Variants in DOCK9 observed in about 807,000 individuals in gnomAD.
DOCK9 encodes dedicator of cytokinesis 9.
DOCK9 carries 89 observed loss-of-function variants against 263.3 expected under a neutral mutation model. The ratio of observed to expected loss-of-function variants is 0.34; its 90% CI spans 0.28 to 0.40. DOCK9 has a LOEUF of 0.40. DOCK9 is among the 10% of genes least tolerant of loss of function. The pLI is 1.00. For synonymous variants in DOCK9, 976 were observed against 973.1 expected (o/e 1.00, Z -0.06); for missense variants, 2,140 against 2,603.4 (o/e 0.82, Z 3.87).
rs745682215 is a variant in DOCK9, at chr13:98,855,931, T to C, written c.3798A>G (p.Glu1266=). 2.5e-6 allele frequency: 4 copies of C among 1,614,034 alleles called. No homozygotes were observed. The Admixed American group carries it at 6.7e-5, about 27-fold the overall frequency. ...ISTDSGNSLP[E]RNSEKSNSLD... is the part of the protein sequence containing the mutation. ...GGGAATTGCTCTTCTCACTATTCCTTTCTGGAAGGCTGTTACCCGAATCTG... is the reference window on the plus strand; with the variant it reads ...GGGAATTGCTCTTCTCACTATTCCTCTCTGGAAGGCTGTTACCCGAATCTG... Residue 1266 remains glutamate (E), a synonymous_variant, in exon 34 of 53, where the codon GAA becomes GAG. Coordinates refer to ENST00000682017, the MANE Select transcript of DOCK9 (RefSeq NM_001366683.2).
intron 2 of DOCK9, among the ~76,000 whole-genome samples, chr13:98,933,921 A>G (rs1220956785): frequency 6.6e-6 from 1 of 151,350 alleles, no homozygotes; most frequent in East Asian, 1.9e-4. Flanking sequence ...TGTTTGAAAC[A>G]GTATCTCACT....
chr13:98,938,647 A>T (rs1221693253), intron 2 of DOCK9, among the ~76,000 whole-genome samples: 1 of 152,256 alleles, frequency 6.6e-6, no homozygotes, highest in African/African-American at 2.4e-5. Flanking sequence ...TTAAATAAAT[A>T]TAAGAGTGAG....
intron 1 of DOCK9, among the ~76,000 whole-genome samples, chr13:99,037,175 A>C (rs1887977163): frequency 6.6e-6 from 1 of 152,214 alleles, no homozygotes; most frequent in African/African-American, 2.4e-5. Flanking sequence ...AAAAGAGAAA[A>C]AAATTATTCA....
At chr13:98,927,899 G>A (rs1351361885) in intron 3 of DOCK9, among the ~76,000 whole-genome samples, 1 of 151,864 alleles carries the variant, frequency 6.6e-6, no homozygotes, top group South Asian at 2.1e-4. Flanking sequence ...GATTACAGGC[G>A]TGAGCCACTG....
At chr13:98,832,098 G>A (rs1463996596) in intron 39 of DOCK9, 1 of 254,846 alleles carries the variant, frequency 3.9e-6, no homozygotes, top group Non-Finnish European at 7.5e-6. Context: ...TGATACAGAG[G>A]TGCCATTTGT....
chr13:98,810,108 T>A, intron 46 of DOCK9, 61 bp downstream of exon 46: 2 of 1,606,538 alleles, frequency 1.2e-6, no homozygotes, highest in South Asian at 1.1e-5. Flanking sequence ...TATGCAGGTC[T>A]GGGTATATGT....
chr13:98,995,443 G>A (rs1880778172), intron 1 of DOCK9, among the ~76,000 whole-genome samples: 3 of 150,382 alleles, frequency 2.0e-5, no homozygotes, highest in South Asian at 2.1e-4. Context: ...TAGAGGATGC[G>A]TAACTAGTCT....
intron 1 of DOCK9, among the ~76,000 whole-genome samples, chr13:98,989,517 G>C (rs1243995009): frequency 2.6e-5 from 4 of 152,036 alleles, no homozygotes; most frequent in Non-Finnish European, 5.9e-5. Context: ...CGGAATCACT[G>C]ATCTTAATAT....
chr13:99,013,861 GC>G (rs1276123135), intron 1 of DOCK9, among the ~76,000 whole-genome samples: 1 of 152,174 alleles, frequency 6.6e-6, no homozygotes, highest in Non-Finnish European at 1.5e-5. Context: ...TTTTCAGAGG[GC>G]CACTCTGCTG....
intron 1 of DOCK9, among the ~76,000 whole-genome samples, chr13:99,023,369 A>C (rs1886340342): frequency 6.6e-6 from 1 of 152,266 alleles, no homozygotes; most frequent in Non-Finnish European, 1.5e-5. Context: ...GATAAGTAAA[A>C]TAAACCAGAT....
At chr13:99,028,177 A>G (rs1886972090) in intron 1 of DOCK9, among the ~76,000 whole-genome samples, 1 of 152,174 alleles carries the variant, frequency 6.6e-6, no homozygotes, top group South Asian at 2.1e-4. Context: ...TTTCCAGTGA[A>G]CTGGAAGGTG....
At chr13:99,045,234 C>A (rs1271813487) in intron 1 of DOCK9, among the ~76,000 whole-genome samples, 1 of 152,198 alleles carries the variant, frequency 6.6e-6, no homozygotes, top group Non-Finnish European at 1.5e-5. Flanking sequence ...CTATTCACAA[C>A]AGCTAAGATA....
chr13:98,992,280 A>T (rs532049847), intron 1 of DOCK9, among the ~76,000 whole-genome samples: 1 of 152,240 alleles, frequency 6.6e-6, no homozygotes, highest in South Asian at 2.1e-4. Context: ...GAGCTTGTTA[A>T]AACAGCCCAC....
intron 7 of DOCK9, among the ~76,000 whole-genome samples, chr13:98,917,974 A>T (rs1314254655): frequency 1.3e-5 from 2 of 152,132 alleles, no homozygotes; most frequent in Non-Finnish European, 2.9e-5. Context: ...CCTCTCTGTC[A>T]CTTAATTGAC....
chr13:99,069,847 C>T (rs557248363), intron 1 of DOCK9, among the ~76,000 whole-genome samples: 1 of 152,194 alleles, frequency 6.6e-6, no homozygotes, highest in African/African-American at 2.4e-5. Context: ...TGTTTTGACA[C>T]TTTTAGACAA....
chr13:98,845,840 T>C (rs2093372753), intron 38 of DOCK9, 84 bp downstream of exon 38: 1 of 1,524,788 alleles, frequency 6.6e-7, no homozygotes, highest in African/African-American at 1.4e-5. Context: ...GAGTTGGTGA[T>C]GTGGTAGGTG....
intron 1 of DOCK9, among the ~76,000 whole-genome samples, chr13:99,049,312 G>T (rs1285048449): frequency 6.6e-6 from 1 of 152,220 alleles, no homozygotes; most frequent in Non-Finnish European, 1.5e-5. Flanking sequence ...CAATGCTGAA[G>T]GCTGCTCCTT....
chr13:98,802,445 G>A (rs541904206), intron 49 of DOCK9, among the ~76,000 whole-genome samples: 3 of 152,346 alleles, frequency 2.0e-5, no homozygotes, highest in Admixed American at 6.5e-5. Context: ...AAAGGAGGAC[G>A]GGGAAGGCCC....
intron 7 of DOCK9, among the ~76,000 whole-genome samples, chr13:98,916,183 G>A (rs1387103718): frequency 1.3e-5 from 2 of 152,198 alleles, no homozygotes; most frequent in Non-Finnish European, 1.5e-5. Context: ...TCTCAATCTC[G>A]GTACTACTGA....
Sources: allele counts gnomAD v4.1 joint callset (sites outside exome capture counted in the v4.1 genomes callset), GRCh38; gene constraint gnomAD v4.1.1; transcripts MANE v1.5; gene names NCBI Gene and HGNC (gene_info 2026-07-23, HGNC 2026-07-21).